PLEC: variants seen among roughly 807,000 people sequenced by gnomAD.
PLEC encodes plectin, also known as hemidesmosomal protein 1.
A neutral mutation model predicts 392.8 loss-of-function variants in PLEC; 216 were observed. That is an observed-to-expected ratio of 0.55 (90% CI 0.49 to 0.62). The LOEUF (loss-of-function observed/expected upper bound fraction) is 0.62. PLEC is among the 20% of genes least tolerant of loss of function. The pLI is 0.00. For missense variants in PLEC, 6,863 were observed against 6,563.4 expected (o/e 1.05, Z -1.58); for synonymous variants, 3,621 against 2,980.6 (o/e 1.21, Z -7.00).
intron 1 of PLEC, among the ~76,000 whole-genome samples, chr8:143,971,742 G>A (rs941296409): frequency 3.9e-5 from 6 of 152,104 alleles, no homozygotes; most frequent in South Asian, 2.1e-4. Flanking sequence ...ACACACATGC[G>A]GGCAGCTGCA....
In PLEC at chr8:143,918,249, T is replaced by C. The variant is rs1220681898; in HGVS notation, c.11572A>G (p.Thr3858Ala). The C allele has an allele frequency of 6.3e-7, 1 of 1,587,346 alleles. No individual in the cohort carries two copies. Residue 3858 changes from threonine to alanine, a missense_variant, in exon 32 of 32, where the codon ACG becomes GCG. Physicochemically the swap from Thr to Ala is moderately conservative, Grantham distance 58. Coordinates refer to ENST00000345136, the MANE Select transcript of PLEC (RefSeq NM_201384.3). ...DPSTDERLSY[T>A]QLLRRCRRDD... ...CGACGGCACCGCCTGAGCAGCTGCG[T>C]GTAGCTGAGGCGCTCGTCGGTGGAC...
rs1450233110 is a variant in PLEC, at chr8:143,927,324, C to T, written c.3768G>A (p.Glu1256=). 1.2e-6 allele frequency: 2 copies of T among 1,613,012 alleles called. No individual in the cohort carries two copies. Among genetic ancestry groups the T allele is most frequent in the Non-Finnish European group, 1.7e-6 (2 of 1,179,948 alleles). The change falls in exon 28 of 32, where the codon GAG becomes GAA. Residue 1256 remains glutamate, a synonymous_variant. Transcript: ENST00000345136. The part of the protein sequence containing the change: ...EQLRQEQALL[E]EIERHGEKVE... ...CCTTCTCGCCGTGGCGCTCGATCTCCTCCAGCAGGGCCTGGGTGATGGTGT... is the reference window on the plus strand; with the variant it reads ...CCTTCTCGCCGTGGCGCTCGATCTCTTCCAGCAGGGCCTGGGTGATGGTGT...
At chr8:143,936,160 C>G in intron 5 of PLEC, 146 bp from the exon 6 acceptor site, 1 of 868,094 alleles carries the variant, frequency 1.2e-6, no homozygotes, top group Non-Finnish European at 1.8e-6. Flanking sequence ...GCACCGGGCT[C>G]CAGGGCCCTT....
At chr8:143,944,377 T>A (rs1831118818), upstream of PLEC, among the ~76,000 whole-genome samples, 1 of 152,172 alleles carries the variant, frequency 6.6e-6, no homozygotes, top group South Asian at 2.1e-4. Flanking sequence ...TGGGGACAGC[T>A]GGCAGGCATG....
chr8:143,969,344 C>T lies in PLEC; in HGVS notation c.70+4059G>A, dbSNP rs1487719457. Among the ~76,000 whole-genome samples the T allele has an allele frequency of 2.0e-5, 3 of 152,220 alleles. No homozygotes were observed. The highest frequency in any genetic ancestry group is 4.4e-5 in the Non-Finnish European group (3 of 68,038). ...CCTGTCCCCCATCCAGGGCAGATTCCTCTGGGGCTGAGGCTACTGCAGCCT... is the reference window on the plus strand; with the variant it reads ...CCTGTCCCCCATCCAGGGCAGATTCTTCTGGGGCTGAGGCTACTGCAGCCT... On this transcript the variant is annotated intron_variant, in intron 1 of 31. Coordinates refer to the PLEC transcript ENST00000356346. This position sits in a 1 kb window ranked among gnomAD's most constrained non-coding sequence, Gnocchi z 5.1.
intron 3 of PLEC, chr8:143,937,544 G>C: frequency 1.9e-6 from 1 of 514,904 alleles, no homozygotes; most frequent in Non-Finnish European, 3.6e-6. Context: ...GGGTCCTCCT[G>C]CCTGGCGGTG....
At chr8:143,938,127 C>T (rs372820083) in intron 3 of PLEC, 24 bp downstream of exon 3, 19 of 1,575,506 alleles carry the variant, frequency 1.2e-5, no homozygotes, top group African/African-American at 2.7e-5. Flanking sequence ...AGGCGGGGCC[C>T]GGAGGGGGCA....
upstream of PLEC, chr8:143,973,655 C>T: frequency 4.3e-6 from 2 of 461,066 alleles, no homozygotes; most frequent in Non-Finnish European, 2.8e-6. This position sits in a 1 kb window ranked among gnomAD's most constrained non-coding sequence, Gnocchi z 5.6. Context: ...GAGGGAGCCG[C>T]GTCTGGGCCC....
At chr8:143,929,054 G>T in intron 25 of PLEC, 49 bp downstream of exon 25, 1 of 1,507,780 alleles carries the variant, frequency 6.6e-7, no homozygotes, top group Non-Finnish European at 9.0e-7. Context: ...CCTCACCCCA[G>T]CACCCCCCAG....
chr8:143,953,948 T>G (rs1832446404), upstream of PLEC: 2 of 1,385,360 alleles, frequency 1.4e-6, no homozygotes, highest in Non-Finnish European at 1.9e-6. Context: ...CCCGGGCGCA[T>G]GCTCCCGGCC....
chr8:143,934,877 T>C lies in PLEC; in HGVS notation c.878A>G (p.Gln293Arg), dbSNP rs781914350. The C allele has an allele frequency of 1.2e-6, 2 of 1,611,462 alleles. No individual in the cohort carries two copies. The highest frequency in any genetic ancestry group is 1.1e-5 in the South Asian group (1 of 91,072). The change falls in exon 9 of 32, where the codon CAG becomes CGG. Residue 293 changes from glutamine (Q) to arginine (R), a missense_variant. By Grantham distance (43) the Gln-to-Arg change is conservative. Coordinates refer to ENST00000345136, the MANE Select transcript of PLEC (RefSeq NM_201384.3). ...GGCGGCCGTGTGGTGTCGCATCCAC[T>C]GAAGCAGCAGCAGCACCAGCTCCCG... ...EYRELVLLLL[Q>R]WMRHHTAAFE...
At chr8:143,926,569 G>C (rs1285540077) in intron 30 of PLEC, among the ~76,000 whole-genome samples, 1 of 152,216 alleles carries the variant, frequency 6.6e-6, no homozygotes, top group South Asian at 2.1e-4. Context: ...CAGCCACTGT[G>C]GGGGAGCAGT....
chr8:143,943,306 G>A (rs1204474626), upstream of PLEC, among the ~76,000 whole-genome samples: 1 of 152,260 alleles, frequency 6.6e-6, no homozygotes. Context: ...CAGCCCAGGA[G>A]CTGGTGACTT....
Position 143,932,663 on chromosome 8 carries a change from C to A in PLEC, c.1787G>T (p.Arg596Leu). 1 of 1,610,890 alleles carries A rather than the reference C, an allele frequency of 6.2e-7. No homozygotes were observed. The highest frequency in any genetic ancestry group is 1.7e-4 in the Middle Eastern group (1 of 6,060). Reference protein sequence around the residue: ...TRGAYRDCLGRLDLQYAKLLN... With the variant: ...TRGAYRDCLGLLDLQYAKLLN... ...CAGCTTGGCGTACTGCAGGTCCAGC[C>A]GACCCAGGCAGTCACGGTAGGCACC... The change falls in exon 15 of 32, where the codon CGG becomes CTG. Residue 596 changes from arginine (R) to leucine (L), a missense_variant. By Grantham distance (102) the Arg-to-Leu change is moderately radical (BLOSUM62 -2). Coordinates refer to ENST00000345136, the MANE Select transcript of PLEC (RefSeq NM_201384.3).
rs1554677056 is a variant in PLEC at position 143,919,073 on chromosome 8, G to A, written c.10748C>T (p.Ser3583Phe). The A allele has an allele frequency of 2.5e-6, 4 of 1,611,244 alleles. No homozygotes were observed. In the African/African-American group the frequency reaches 4.0e-5, roughly 16 times the overall value. Reference protein sequence around the residue: ...DIPGGGSHGGSTMSLWEVMQS... With the variant: ...DIPGGGSHGGFTMSLWEVMQS... Reference sequence around the variant, plus strand: ...CATCACCTCCCACAGGGACATGGTGGAGCCGCCGTGGCTGCCGCCGCCGGG... The same window carrying A: ...CATCACCTCCCACAGGGACATGGTGAAGCCGCCGTGGCTGCCGCCGCCGGG... The change falls in exon 32 of 32, where the codon TCC becomes TTC. Residue 3583 changes from serine to phenylalanine, a missense_variant. Physicochemically the swap from Ser to Phe is radical, Grantham distance 155. Transcript: ENST00000345136.
upstream of PLEC, among the ~76,000 whole-genome samples, chr8:143,975,788 C>A (rs1419342068): frequency 1.3e-5 from 2 of 152,076 alleles, no homozygotes; most frequent in African/African-American, 4.8e-5. The surrounding 1 kb of genome is among the most constrained non-coding windows in gnomAD (Gnocchi z 9.9). Context: ...AACCGGCACA[C>A]GACAGACCAC....
Position 143,937,240 on chromosome 8 carries a change from G to C in PLEC, c.267C>G (p.Pro89=), listed in dbSNP as rs1554724266. 10 of 1,612,084 alleles carry C rather than the reference G, an allele frequency of 6.2e-6. No homozygotes were observed. Among genetic ancestry groups the C allele is most frequent in the Non-Finnish European group, 8.5e-6 (10 of 1,179,300 alleles). Residue 89 remains proline (P), a splice_region_variant and synonymous_variant, in exon 4 of 32, where the codon CCC becomes CCG. Transcript: ENST00000345136. The part of the protein sequence containing the change: ...LLEVLSGDSL[P]REKGRMRFHK... ...GGAAACGCATCCTCCCCTTCTCCCG[G>C]GGCTGTGGGGAGGCACAGTCAGCAC...
At chr8:143,957,012 G>A (rs782256773), upstream of PLEC, among the ~76,000 whole-genome samples, 6 of 152,218 alleles carry the variant, frequency 3.9e-5, no homozygotes, top group African/African-American at 4.8e-5. Context: ...AGGCCTTGCC[G>A]TAGAGGAAAC....
upstream of PLEC, among the ~76,000 whole-genome samples, chr8:143,952,208 A>ACACACGCG (rs1167020542): frequency 1.5e-5 from 2 of 130,888 alleles, no homozygotes; most frequent in South Asian, 2.4e-4. Context: ...ACACACACAC[A>ACACACGCG]CGCGCGCACA....
Sources: gnomAD v4.1 joint callset for allele counts (sites outside exome capture counted in the v4.1 genomes callset) on GRCh38, gnomAD v4.1.1 for gene constraint, Gnocchi (gnomAD v3.1) non-coding constraint, MANE v1.5 for transcripts, NCBI Gene and HGNC (gene_info 2026-07-23, HGNC 2026-07-21) for gene names.